RBFOX1: variants seen among roughly 807,000 people sequenced by gnomAD.
RBFOX1 encodes the protein RNA binding fox-1 homolog 1.
In RBFOX1, 8 loss-of-function variants were observed where a neutral mutation model predicts 57.7. That is an observed-to-expected ratio of 0.14 (90% confidence interval 0.08 to 0.25). The LOEUF (loss-of-function observed/expected upper bound fraction) is 0.25. Ranked by LOEUF, RBFOX1 falls within the 10% of genes least tolerant of loss-of-function variation. The pLI is 1.00. For synonymous variants in RBFOX1, 326 were observed against 222.4 expected, an observed-to-expected ratio of 1.47 and a Z score of -4.15; for missense variants, 611 against 548.5, an observed-to-expected ratio of 1.11 and a Z score of -1.14.
chr16:5,741,368 A>G (rs2052764264), intron 3 of RBFOX1, among the ~76,000 whole-genome samples: 1 of 152,242 alleles, frequency 6.6e-6, no homozygotes, highest in South Asian at 2.1e-4. Flanking sequence ...ATCTTCTTTA[A>G]TGCTAATTAC....
At chr16:7,483,727 A>T (rs963194471) in intron 4 of RBFOX1, among the ~76,000 whole-genome samples, 5 of 152,232 alleles carry the variant, frequency 3.3e-5, no homozygotes, top group African/African-American at 1.2e-4. Context: ...TACCCAAGAC[A>T]ACAGGTTACT....
At chr16:5,253,219 G>C (rs966695035) in intron 1 of RBFOX1, among the ~76,000 whole-genome samples, 3 of 151,588 alleles carry the variant, frequency 2.0e-5, no homozygotes, top group Non-Finnish European at 2.9e-5. Flanking sequence ...GTGCAATCTC[G>C]GTTCACTGCA....
At chr16:6,209,372 C>A (rs1281027826) in intron 1 of RBFOX1, among the ~76,000 whole-genome samples, 1 of 146,214 alleles carries the variant, frequency 6.8e-6, no homozygotes, top group Non-Finnish European at 1.5e-5. Context: ...TGCCCACCTT[C>A]AGAGAAACTT....
At chr16:6,889,167 T>C (rs926450169) in intron 3 of RBFOX1, among the ~76,000 whole-genome samples, 11 of 152,174 alleles carry the variant, frequency 7.2e-5, no homozygotes, top group Non-Finnish European at 1.3e-4. Flanking sequence ...GTAGATCCCA[T>C]TGTTACTGAA....
chr16:6,289,312 T>C (rs905374228), intron 1 of RBFOX1, among the ~76,000 whole-genome samples: 3 of 152,070 alleles, frequency 2.0e-5, no homozygotes, highest in African/African-American at 4.8e-5. Flanking sequence ...ATATAGGTGT[T>C]ATTCTTTGCA....
At chr16:5,795,146 G>A (rs2054833912) in intron 3 of RBFOX1, among the ~76,000 whole-genome samples, 1 of 152,080 alleles carries the variant, frequency 6.6e-6, no homozygotes, top group African/African-American at 2.4e-5. Context: ...AGTAGCGATG[G>A]ATCTGAAACA....
rs563397992 is a variant in RBFOX1 at position 6,998,754 on chromosome 16, G to C, written c.-15-53303G>C. 3.9e-5 allele frequency among the ~76,000 whole-genome samples: 6 copies of C among 152,238 alleles called. No homozygotes were observed. In the South Asian group the frequency reaches 1.2e-3, roughly 32 times the overall value. ...AACTTAATATATCAGGCTCTCTTGAGAGAGTAGGAAGGGCATTTTATTACA... is the reference window on the plus strand; with the variant it reads ...AACTTAATATATCAGGCTCTCTTGACAGAGTAGGAAGGGCATTTTATTACA... On this transcript the variant is annotated intron_variant, in intron 3 of 15. Coordinates refer to ENST00000550418, the MANE Select transcript of RBFOX1 (RefSeq NM_018723.4).
At chr16:7,310,131 T>C (rs4479249) in intron 4 of RBFOX1, among the ~76,000 whole-genome samples, 134,199 of 152,220 alleles carry the variant, frequency 0.88, 59,433 homozygotes, top group East Asian at 1. Context: ...GCCCTGGCCC[T>C]GGCCCTTTAA....
At chr16:5,827,061 G>A (rs940754778) in intron 3 of RBFOX1, among the ~76,000 whole-genome samples, 2 of 152,114 alleles carry the variant, frequency 1.3e-5, no homozygotes, top group Non-Finnish European at 2.9e-5. Flanking sequence ...TCTTTCTCCT[G>A]TTGACCAAGT....
chr16:6,963,711 T>A (rs778570268), intron 3 of RBFOX1, among the ~76,000 whole-genome samples: 2 of 152,220 alleles, frequency 1.3e-5, no homozygotes, highest in Middle Eastern at 3.4e-3. Flanking sequence ...TTATTATTAT[T>A]TTTTTGAGAT....
chr16:7,341,788 T>TCCC (rs2096901849), intron 4 of RBFOX1, among the ~76,000 whole-genome samples: 15 of 73,374 alleles, frequency 2.0e-4, no homozygotes, highest in Admixed American at 1.6e-3. Flanking sequence ...CCTTCCTTCC[T>TCCC]TCCTTCCTTC....
rs1568365783 is a variant in RBFOX1, at chr16:6,725,524, T to A, written c.-16+70874T>A. 3.3e-5 allele frequency among the ~76,000 whole-genome samples: 5 copies of A among 152,060 alleles called. No homozygotes were observed. In the South Asian group the frequency reaches 1.0e-3, roughly 32 times the overall value. ...CTCAGTTTTGGGAATTGCCCACCCC[T>A]TTCCTGGAAAACTCACAAATAATCC... is the stretch of plus-strand genomic sequence containing the variant. On this transcript the variant is annotated intron_variant, in intron 3 of 15. Coordinates refer to ENST00000550418, the MANE Select transcript of RBFOX1 (RefSeq NM_018723.4).
intron 12 of RBFOX1, among the ~76,000 whole-genome samples, chr16:7,656,366 G>T (rs935771914): frequency 6.6e-6 from 1 of 152,154 alleles, no homozygotes; most frequent in African/African-American, 2.4e-5. Context: ...AACAGATTAG[G>T]TTGCAGGAGA....
At chr16:6,729,174 C>G (rs1356626744) in intron 3 of RBFOX1, among the ~76,000 whole-genome samples, 1 of 152,050 alleles carries the variant, frequency 6.6e-6, no homozygotes, top group East Asian at 1.9e-4. Flanking sequence ...TTTCATCTGT[C>G]TTTCCAAAAT....
intron 1 of RBFOX1, among the ~76,000 whole-genome samples, chr16:6,283,069 G>A (rs976085042): frequency 1.2e-4 from 18 of 152,208 alleles, no homozygotes; most frequent in African/African-American, 4.3e-4. Flanking sequence ...GCCCCTGCCT[G>A]TAATCCCAGC....
intron 3 of RBFOX1, among the ~76,000 whole-genome samples, chr16:7,000,919 C>G (rs1203960656): frequency 6.6e-6 from 1 of 152,064 alleles, no homozygotes; most frequent in Non-Finnish European, 1.5e-5. Flanking sequence ...AATAAATTTT[C>G]TTGTTTACTT....
At position 7,710,605 on chromosome 16, in the gene RBFOX1, C is replaced by G. The variant is rs1386859949; in HGVS notation, c.1072-18C>G. ...AGGAAAATGTAAAAAACACACCCCT[C>G]AAATTGCTTTGTTTCAGAATGCTTT... On this transcript the variant is annotated intron_variant, in intron 15 of 15. Coordinates refer to ENST00000550418, the MANE Select transcript of RBFOX1 (RefSeq NM_018723.4). 6 of 1,610,354 alleles carry G rather than the reference C, an allele frequency of 3.7e-6. No homozygotes were observed. The highest frequency in any genetic ancestry group is 2.2e-5 in the East Asian group (1 of 44,830).
At chr16:6,232,980 C>T (rs1400362340) in intron 1 of RBFOX1, among the ~76,000 whole-genome samples, 4 of 152,258 alleles carry the variant, frequency 2.6e-5, no homozygotes, top group South Asian at 4.1e-4. Context: ...GGTAGCCGTA[C>T]TGTGTAAACC....
intron 1 of RBFOX1, among the ~76,000 whole-genome samples, chr16:6,296,456 T>C (rs1380489239): frequency 2.0e-5 from 3 of 151,638 alleles, no homozygotes; most frequent in Non-Finnish European, 4.4e-5. Context: ...AGTCTCGCTC[T>C]GTCGCCCAGG....
Sources: allele counts gnomAD v4.1 joint callset (sites outside exome capture counted in the v4.1 genomes callset), GRCh38; gene constraint gnomAD v4.1.1; transcripts MANE v1.5; gene names NCBI Gene and HGNC (gene_info 2026-07-23, HGNC 2026-07-21).